Variants in TMEM67 observed in about 807,000 individuals in gnomAD.
The protein encoded by TMEM67 is transmembrane protein 67, also known as meckelin.
TMEM67 carries 124 observed loss-of-function variants against 136.6 expected under a neutral mutation model. The ratio of observed to expected loss-of-function variants is 0.91; its 90% CI spans 0.78 to 1.05. The LOEUF (loss-of-function observed/expected upper bound fraction) is 1.05, where lower values mean the gene tolerates loss of function less well. Ranked by LOEUF, TMEM67 falls within the 50% of genes least tolerant of loss-of-function variation. TMEM67 has a pLI of 0.00. For synonymous variants in TMEM67, 364 were observed against 390.5 expected (o/e 0.93, Z 0.80); for missense variants, 1,107 against 1,178.4 (o/e 0.94, Z 0.89).
chr8:93,819,778 A>G (rs1563489221), downstream of TMEM67, among the ~76,000 whole-genome samples: 4 of 152,298 alleles, frequency 2.6e-5, no homozygotes, highest in East Asian at 7.7e-4. Flanking sequence ...ATCAGAGTAC[A>G]TGTACTGTTT....
chr8:93,789,923 A>C (rs1459855762), intron 14 of TMEM67, among the ~76,000 whole-genome samples: 5 of 151,354 alleles, frequency 3.3e-5, no homozygotes, highest in African/African-American at 4.9e-5. Flanking sequence ...ACAACAACAA[A>C]AAAAATTATC....
At chr8:93,818,939 C>G, downstream of TMEM67, 1 of 373,698 alleles carries the variant, frequency 2.7e-6, no homozygotes, top group South Asian at 2.1e-5. Context: ...GTAGCTGGAA[C>G]AACAGGTGTG....
chr8:93,779,530 G>C (rs1313860475), intron 7 of TMEM67, among the ~76,000 whole-genome samples: 2 of 152,154 alleles, frequency 1.3e-5, no homozygotes, highest in Non-Finnish European at 2.9e-5. Context: ...GTGACCTACA[G>C]ATGGGGTTTT....
At chr8:93,765,317 T>C in intron 4 of TMEM67, 89 bp from the exon 5 acceptor site, 1 of 1,012,096 alleles carries the variant, frequency 9.9e-7, no homozygotes, top group South Asian at 1.4e-5. Flanking sequence ...ATGAATCTAC[T>C]CTAATCCATT....
chr8:93,816,494 C>T lies in TMEM67; in HGVS notation c.*42C>T, dbSNP rs1563487306. 1 of 1,102,592 alleles carries T rather than the reference C, an allele frequency of 9.1e-7. No individual in the cohort carries two copies. The highest frequency in any genetic ancestry group is 2.4e-5 in the East Asian group (1 of 41,878). The allele number at this position is 1,102,592 out of a possible 1,614,324, so 68.3% of individuals were successfully genotyped here. The stretch of plus-strand genomic sequence containing the variant: ...CTTAAAGACTCAGTATAATCATGGC[C>T]AAAAAAAAGTCATGATATCAGGTTA... On this transcript the variant is annotated 3_prime_UTR_variant, in exon 28 of 28. Transcript: ENST00000453321.
At chr8:93,779,855 A>G (rs1020667752) in intron 7 of TMEM67, among the ~76,000 whole-genome samples, 4 of 152,290 alleles carry the variant, frequency 2.6e-5, no homozygotes, top group Admixed American at 2.0e-4. Context: ...GAGGCAGTCT[A>G]TCCATTCTCT....
intron 4 of TMEM67, among the ~76,000 whole-genome samples, 171 bp from the exon 5 acceptor site, chr8:93,765,235 A>G (rs1813028729): frequency 6.6e-6 from 1 of 152,226 alleles, no homozygotes; most frequent in Non-Finnish European, 1.5e-5. Flanking sequence ...TTTGTAACAC[A>G]GAATGGCCTA....
intron 17 of TMEM67, 79 bp from the exon 18 acceptor site, chr8:93,795,822 A>G (rs1814586077): frequency 1.6e-6 from 2 of 1,245,238 alleles, no homozygotes; most frequent in African/African-American, 3.0e-5. Context: ...AAAAAAAAAC[A>G]AAAACGAAAA....
chr8:93,782,791 T>A (rs1813906948), intron 11 of TMEM67, among the ~76,000 whole-genome samples: 1 of 151,978 alleles, frequency 6.6e-6, no homozygotes, highest in African/African-American at 2.4e-5. Context: ...ATCAGGCTGA[T>A]CTTGAACTCC....
chr8:93,810,030 A>G (rs370001524), intron 26 of TMEM67, 143 bp downstream of exon 26: 33 of 527,286 alleles, frequency 6.3e-5, no homozygotes, highest in South Asian at 8.9e-5. Flanking sequence ...GTGCAGTGGC[A>G]CGATCTCAGC....
chr8:93,783,143 A>ACCCAG (rs1478714806), intron 11 of TMEM67, among the ~76,000 whole-genome samples: 1 of 151,884 alleles, frequency 6.6e-6, no homozygotes, highest in African/African-American at 2.4e-5. Context: ...GTACCACCAC[A>ACCCAG]CCCAGCTAAT....
intron 21 of TMEM67, among the ~76,000 whole-genome samples, chr8:93,801,383 T>C (rs1288635493): frequency 6.6e-6 from 1 of 151,322 alleles, no homozygotes; most frequent in Non-Finnish European, 1.5e-5. Flanking sequence ...TACAGGCACA[T>C]GCCACCACAC....
chr8:93,773,245 A>G (rs1184708838), intron 7 of TMEM67, among the ~76,000 whole-genome samples: 1 of 152,150 alleles, frequency 6.6e-6, no homozygotes, highest in East Asian at 1.9e-4. Flanking sequence ...ATTCATGCTT[A>G]AGAGAGAAGG....
At chr8:93,758,099 T>C (rs1284901032) in intron 2 of TMEM67, among the ~76,000 whole-genome samples, 1 of 152,220 alleles carries the variant, frequency 6.6e-6, no homozygotes, top group Admixed American at 6.5e-5. Flanking sequence ...AGAATAGAGT[T>C]TTAGAACAGG....
intron 14 of TMEM67, 50 bp downstream of exon 14, chr8:93,787,999 A>G (rs568383730): frequency 2.2e-6 from 3 of 1,370,844 alleles, no homozygotes; most frequent in Non-Finnish European, 3.1e-6. Context: ...AGAGTATAAT[A>G]CTGATTCAGT....
intron 21 of TMEM67, among the ~76,000 whole-genome samples, chr8:93,802,850 A>G (rs1814927812): frequency 6.6e-6 from 1 of 152,132 alleles, no homozygotes; most frequent in Admixed American, 6.5e-5. Context: ...AGTGCATTTT[A>G]TGTATTGGAT....
At chr8:93,779,900 T>C (rs1030972727) in intron 7 of TMEM67, among the ~76,000 whole-genome samples, 13 of 152,214 alleles carry the variant, frequency 8.5e-5, no homozygotes, top group Admixed American at 4.6e-4. Context: ...ACCACTGCTC[T>C]CTTCAGAGCT....
chr8:93,816,241 T>A (rs981273700), intron 27 of TMEM67, 131 bp from the exon 28 acceptor site: 12 of 502,476 alleles, frequency 2.4e-5, no homozygotes, highest in African/African-American at 2.3e-4. Context: ...TATGTATCAC[T>A]ATGGGATTCA....
intron 3 of TMEM67, among the ~76,000 whole-genome samples, chr8:93,760,738 A>T (rs961853080): frequency 3.9e-5 from 6 of 152,020 alleles, no homozygotes; most frequent in Admixed American, 6.6e-5. Flanking sequence ...ATAAAATGCC[A>T]TAAAAATTAT....
Sources: allele counts gnomAD v4.1 joint callset (sites outside exome capture counted in the v4.1 genomes callset), GRCh38; gene constraint gnomAD v4.1.1; transcripts MANE v1.5; gene names NCBI Gene and HGNC (gene_info 2026-07-23, HGNC 2026-07-21).